Variants in PIEZO2 observed in about 807,000 individuals in gnomAD.
PIEZO2 encodes the protein piezo-type mechanosensitive ion channel component 2.
In PIEZO2, 172 loss-of-function variants were observed where a neutral mutation model predicts 337.3. The ratio of observed to expected loss-of-function variants is 0.51; its 90% CI spans 0.45 to 0.58. The LOEUF is 0.58. Ranked by LOEUF, PIEZO2 falls within the 20% of genes least tolerant of loss-of-function variation. The pLI, the probability that PIEZO2 is intolerant of heterozygous loss-of-function variation, is 0.00. For synonymous variants in PIEZO2, 1,251 were observed against 1,228.5 expected, an observed-to-expected ratio of 1.02 and a Z score of -0.38; for missense variants, 3,028 against 3,391.3, an observed-to-expected ratio of 0.89 and a Z score of 2.66.
rs1264886600 is a variant in PIEZO2, at chr18:10,727,957, A to G, written c.5029+3450T>C. On this transcript the variant is annotated intron_variant, in intron 36 of 55. Coordinates refer to ENST00000674853, the MANE Select transcript of PIEZO2 (RefSeq NM_001378183.1). The surrounding 1 kb of genome is among the most constrained non-coding windows in gnomAD (Gnocchi z 6.3). Reference sequence around the variant, plus strand: ...CCAGACAATTAAAACAGTAATAACAAAAAAAAAAAAGAAAAAAGAAAAAAA... The same window carrying G: ...CCAGACAATTAAAACAGTAATAACAGAAAAAAAAAAGAAAAAAGAAAAAAA... 6.8e-6 allele frequency: 1 copy of G among 148,124 alleles called. No homozygotes were observed. The highest frequency in any genetic ancestry group is 2.5e-5 in the African/African-American group (1 of 40,480). 9.2% of individuals were successfully genotyped at this position (148,124 alleles called of 1,614,324 possible). A position where few individuals can be genotyped will look rare whatever the true frequency, so the allele number is the denominator to read the frequency against.
At chr18:11,065,464 T>C (rs1457248110) in intron 2 of PIEZO2, among the ~76,000 whole-genome samples, 1 of 152,206 alleles carries the variant, frequency 6.6e-6, no homozygotes, top group Non-Finnish European at 1.5e-5. Flanking sequence ...AGTTGAAAAA[T>C]TCACAAACCA....
In PIEZO2 at chr18:10,969,402, A is replaced by C. The variant is rs1195565657; in HGVS notation, c.286+10133T>G. On this transcript the variant is annotated intron_variant, in intron 3 of 55. Transcript: ENST00000674853. This position sits in a 1 kb window ranked among gnomAD's most constrained non-coding sequence, Gnocchi z 4.5. ...GCATGGTGGGGAGCAGACGGGCGTG[A>C]GGATCATGACTCCCTGTTACTCATC... Among the ~76,000 whole-genome samples, 1 of 152,108 alleles carries C rather than the reference A, an allele frequency of 6.6e-6. No individual in the cohort carries two copies. The highest frequency in any genetic ancestry group is 1.5e-5 in the Non-Finnish European group (1 of 68,022).
intron 27 of PIEZO2, among the ~76,000 whole-genome samples, chr18:10,757,190 G>A (rs1156455641): frequency 4.7e-5 from 7 of 149,938 alleles, no homozygotes; most frequent in Non-Finnish European, 1.0e-4. Context: ...ATGAGGGATA[G>A]AGGATGAGGA....
rs2038100845 is a variant in PIEZO2 at position 10,760,932 on chromosome 18, G to T, written c.3429C>A (p.Phe1143Leu). ...INCAKYFINY[F>L]FYKFGLETCF... ...TCACCTCCAGACCAAACTTGTAAAA[G>T]AAGTAATTAATGAAATATTTGGCAC... Residue 1143 changes from phenylalanine (F) to leucine (L), a missense_variant, in exon 24 of 56, where the codon TTC becomes TTA. By Grantham distance (22) the Phe-to-Leu change is conservative (BLOSUM62 0). This residue lies in a region of PIEZO2 where 1,925 missense variants were observed against 2,051.9 expected (regional missense o/e 0.94). Transcript: ENST00000674853. 3 of 1,531,978 alleles carry T rather than the reference G, an allele frequency of 2.0e-6. No homozygotes were observed. Among genetic ancestry groups the T allele is most frequent in the African/African-American group, 1.4e-5 (1 of 72,932 alleles). The allele number at this position is 1,531,978 out of a possible 1,614,324, so 94.9% of individuals were successfully genotyped here. A position where few individuals can be genotyped will look rare whatever the true frequency, so the allele number is the denominator to read the frequency against.
chr18:10,687,465 T>C (rs677819), intron 49 of PIEZO2, among the ~76,000 whole-genome samples: 67,201 of 151,910 alleles, frequency 0.44, 15,709 homozygotes, highest in East Asian at 0.72. Context: ...TCATGCTTAG[T>C]AGAGTTCTGG....
chr18:10,782,933 C>A (rs1189582644), intron 17 of PIEZO2, among the ~76,000 whole-genome samples: 1 of 152,080 alleles, frequency 6.6e-6, no homozygotes, highest in African/African-American at 2.4e-5. Flanking sequence ...GGCTGGTGAA[C>A]CAAATTGTCT....
chr18:10,796,912 A>G (rs1234372570), intron 12 of PIEZO2, among the ~76,000 whole-genome samples: 5 of 152,186 alleles, frequency 3.3e-5, no homozygotes, highest in African/African-American at 9.7e-5. Context: ...ATCATATCTT[A>G]CATACCATCA....
chr18:10,836,532 G>A (rs1301087196), intron 7 of PIEZO2, among the ~76,000 whole-genome samples: 1 of 152,128 alleles, frequency 6.6e-6, no homozygotes, highest in South Asian at 2.1e-4. Context: ...TTAATGTGAA[G>A]CTATTGTTAA....
chr18:11,102,421 T>A lies in PIEZO2; in HGVS notation c.65-36199A>T, dbSNP rs866186606. Among the ~76,000 whole-genome samples the A allele has an allele frequency of 2.0e-5, 3 of 152,340 alleles. No individual in the cohort carries two copies. The highest frequency in any genetic ancestry group is 2.9e-5 in the Non-Finnish European group (2 of 68,030). ...CCTGTCAGTGGGCAAAACCCTGATC[T>A]GATTGAAGATCGAATCTCACCCTGT... On this transcript the variant is annotated intron_variant, in intron 1 of 55. Coordinates refer to ENST00000674853, the MANE Select transcript of PIEZO2 (RefSeq NM_001378183.1). The surrounding 1 kb of genome is among the most constrained non-coding windows in gnomAD (Gnocchi z 5.7).
At chr18:10,753,846 A>C (rs2037738662) in intron 27 of PIEZO2, among the ~76,000 whole-genome samples, 1 of 152,234 alleles carries the variant, frequency 6.6e-6, no homozygotes, top group South Asian at 2.1e-4. Flanking sequence ...AAACACTTAA[A>C]CATTTTTATA....
Position 10,783,003 on chromosome 18 carries a change from CTGTT to C in PIEZO2, c.2492+1777_2492+1780del, listed in dbSNP as rs1230200988. On this transcript the variant is annotated intron_variant, in intron 17 of 55. Transcript: ENST00000674853. The surrounding 1 kb of genome is among the most constrained non-coding windows in gnomAD (Gnocchi z 4.3). ...TCTGGATAAATGGTGAATTATATCT[CTGTT>C]TGATTGCGTGACAGAAGACTCAGAC... Among the ~76,000 whole-genome samples, 2 of 152,082 alleles carry C rather than the reference CTGTT, an allele frequency of 1.3e-5. No individual in the cohort carries two copies. The highest frequency in any genetic ancestry group is 4.1e-4 in the South Asian group (2 of 4,820).
Position 10,899,580 on chromosome 18 carries a change from A to G in PIEZO2, c.329+11606T>C, listed in dbSNP as rs912773089. ...TTTCAGACTTGCACGTAGGATGCAG[A>G]ACAAATAAGAAATATGAAGCCTTCT... On this transcript the variant is annotated intron_variant, in intron 4 of 55. Transcript: ENST00000674853. This position sits in a 1 kb window ranked among gnomAD's most constrained non-coding sequence, Gnocchi z 4.6. 6.6e-6 allele frequency among the ~76,000 whole-genome samples: 1 copy of G among 152,198 alleles called. No homozygotes were observed. The highest frequency in any genetic ancestry group is 6.5e-5 in the Admixed American group (1 of 15,272).
chr18:11,052,147 T>A (rs906375409), intron 2 of PIEZO2, among the ~76,000 whole-genome samples: 2 of 152,204 alleles, frequency 1.3e-5, no homozygotes, highest in African/African-American at 4.8e-5. Flanking sequence ...TATTCTCTAA[T>A]ACAATGAGTT....
At chr18:10,809,271 T>C (rs1277244401) in intron 7 of PIEZO2, among the ~76,000 whole-genome samples, 1 of 128,554 alleles carries the variant, frequency 7.8e-6, no homozygotes, top group African/African-American at 3.2e-5. Flanking sequence ...TTTTTTTTTT[T>C]TTTTTTTTTT....
rs192284770 is a variant in PIEZO2 at position 10,941,332 on chromosome 18, C to T, written c.287-30104G>A. Among the ~76,000 whole-genome samples the T allele has an allele frequency of 2.0e-5, 3 of 152,240 alleles. No individual in the cohort carries two copies. In the East Asian group the frequency reaches 5.8e-4, roughly 29 times the overall value. ...ATATTAGATAATAATACAGAACACT[C>T]TGAGATGATTATCAATCCCCGCTTA... On this transcript the variant is annotated intron_variant, in intron 3 of 55. Transcript: ENST00000674853.
At chr18:11,024,906 T>C (rs1240712036) in intron 2 of PIEZO2, among the ~76,000 whole-genome samples, 1 of 151,790 alleles carries the variant, frequency 6.6e-6, no homozygotes, top group Admixed American at 6.6e-5. Context: ...CCCAAAGTGC[T>C]GGAAATACAG....
chr18:11,050,720 G>GTGT (rs1273875163), intron 2 of PIEZO2, among the ~76,000 whole-genome samples: 2 of 151,864 alleles, frequency 1.3e-5, no homozygotes, highest in African/African-American at 4.8e-5. Flanking sequence ...TGTCACCAAA[G>GTGT]CACAGTAAGC....
chr18:11,029,018 T>C (rs1229862683), intron 2 of PIEZO2, among the ~76,000 whole-genome samples: 1 of 152,214 alleles, frequency 6.6e-6, no homozygotes, highest in Non-Finnish European at 1.5e-5. Flanking sequence ...GAGGGGAACA[T>C]CATGTTCGCT....
At chr18:10,896,189 C>T (rs1250238215) in intron 4 of PIEZO2, among the ~76,000 whole-genome samples, 1 of 152,094 alleles carries the variant, frequency 6.6e-6, no homozygotes, top group Admixed American at 6.5e-5. Context: ...ACCCTTCAGA[C>T]CATGGGTCCT....
Sources: gnomAD v4.1 joint callset for allele counts (sites outside exome capture counted in the v4.1 genomes callset) on GRCh38, gnomAD v4.1.1 for gene constraint, gnomAD v4.1.1 regional missense constraint, Gnocchi (gnomAD v3.1) non-coding constraint, MANE v1.5 for transcripts, NCBI Gene and HGNC (gene_info 2026-07-23, HGNC 2026-07-21) for gene names.